The following KIF15 variants were observed in gnomAD, a reference collection of about 807,000 sequenced individuals.
KIF15 encodes kinesin family member 15, also known as kinesin-like protein KIF15.
In KIF15, 140 loss-of-function variants were observed where a neutral mutation model predicts 190.6. The ratio of observed to expected loss-of-function variants is 0.73; its 90% CI spans 0.64 to 0.84. KIF15 has a LOEUF of 0.84. Ranked by LOEUF, KIF15 falls within the 40% of genes least tolerant of loss-of-function variation. The probability of loss-of-function intolerance (pLI) is 0.00; values close to 1 mark genes in which losing one functional copy is unlikely to be tolerated. For synonymous variants in KIF15, 528 were observed against 551.3 expected (o/e 0.96, Z 0.59); for missense variants, 1,372 against 1,584.4 (o/e 0.87, Z 2.28).
chr3:44,777,967 GA>G (rs1705975490), intron 3 of KIF15, 147 bp from the exon 4 acceptor site: 1 of 652,712 alleles, frequency 1.5e-6, no homozygotes, highest in Non-Finnish European at 2.8e-6. Context: ...GTGTAAAGTT[GA>G]ATCATCTTAG....
intron 24 of KIF15, among the ~76,000 whole-genome samples, chr3:44,829,289 G>A (rs1354723914): frequency 6.7e-5 from 10 of 150,196 alleles, no homozygotes; most frequent in East Asian, 5.8e-4. Flanking sequence ...CCCGGGAGGC[G>A]GAGCTTGCAG....
chr3:44,867,448 C>T (rs1163048442), intron 6 of KIF15, among the ~76,000 whole-genome samples: 1 of 152,226 alleles, frequency 6.6e-6, no homozygotes, highest in Non-Finnish European at 1.5e-5. Flanking sequence ...AGACACCCAG[C>T]CAAGGCCAGA....
intron 1 of KIF15, among the ~76,000 whole-genome samples, chr3:44,766,966 A>G (rs1705413605): frequency 6.6e-6 from 1 of 151,768 alleles, no homozygotes. Flanking sequence ...GCCTGCCACC[A>G]TGCCTGGCTA....
At chr3:44,847,448 T>A (rs1422763505) in intron 30 of KIF15, among the ~76,000 whole-genome samples, 1 of 152,182 alleles carries the variant, frequency 6.6e-6, no homozygotes, top group Non-Finnish European at 1.5e-5. Flanking sequence ...AAGACATATC[T>A]GGTGCTTGGG....
chr3:44,845,821 C>T (rs1698823164), intron 30 of KIF15, among the ~76,000 whole-genome samples: 1 of 152,220 alleles, frequency 6.6e-6, no homozygotes, highest in African/African-American at 2.4e-5. Flanking sequence ...AAGCTGCCAG[C>T]ACCAGGACAG....
intron 6 of KIF15, chr3:44,865,473 A>G (rs1025444526): frequency 3.6e-5 from 14 of 393,978 alleles, no homozygotes; most frequent in Middle Eastern, 6.9e-4. Context: ...TGCTTTGTGT[A>G]TGGTACTTGA....
At chr3:44,778,911 C>T (rs1706025726) in intron 4 of KIF15, among the ~76,000 whole-genome samples, 1 of 132,434 alleles carries the variant, frequency 7.6e-6, no homozygotes, top group African/African-American at 2.9e-5. Flanking sequence ...ACCCAGGAGG[C>T]AGAGGTTGCA....
At chr3:44,775,223 T>G (rs773100794) in intron 2 of KIF15, 31 bp from the exon 3 acceptor site, 2 of 1,576,640 alleles carry the variant, frequency 1.3e-6, no homozygotes, top group Non-Finnish European at 1.7e-6. Context: ...TTCAATAAAC[T>G]GAACTGTTAC....
chr3:44,815,054 C>G lies in KIF15; in HGVS notation c.2527C>G (p.Gln843Glu). Residue 843 changes from glutamine (Q) to glutamate (E), a missense_variant, in exon 20 of 35, where the codon CAG (glutamine) becomes GAG (glutamate). Physicochemically the swap from Gln to Glu is conservative, Grantham distance 29. Transcript: ENST00000326047. Reference sequence around the variant, plus strand: ...ACTTTCCGAAAGACACATGCATGTACAGCTTCAATTAGATAATCTCAGGTA... The same window carrying G: ...ACTTTCCGAAAGACACATGCATGTAGAGCTTCAATTAGATAATCTCAGGTA... ...NKLSERHMHV[Q>E]LQLDNLRLEN... The G allele has an allele frequency of 6.2e-7, 1 of 1,602,238 alleles. No homozygotes were observed. The highest frequency in any genetic ancestry group is 8.5e-7 in the Non-Finnish European group (1 of 1,175,644).
chr3:44,803,254 A>G (rs1397019444), intron 14 of KIF15, among the ~76,000 whole-genome samples: 1 of 152,250 alleles, frequency 6.6e-6, no homozygotes, highest in East Asian at 1.9e-4. Context: ...AGATTGATTC[A>G]GATACTATGT....
At chr3:44,835,499 C>T (rs1698266872) in intron 26 of KIF15, among the ~76,000 whole-genome samples, 1 of 152,142 alleles carries the variant, frequency 6.6e-6, no homozygotes, top group African/African-American at 2.4e-5. Context: ...CTGCCTCAGC[C>T]TCCCAAATTG....
At chr3:44,831,131 T>C in intron 26 of KIF15, 113 bp downstream of exon 26, 2 of 1,230,794 alleles carry the variant, frequency 1.6e-6, no homozygotes, top group South Asian at 1.5e-5. Flanking sequence ...AAATAATTCT[T>C]ATACAGCTGA....
chr3:44,843,930 A>G (rs558387557), intron 30 of KIF15, among the ~76,000 whole-genome samples: 5 of 152,350 alleles, frequency 3.3e-5, no homozygotes, highest in African/African-American at 1.2e-4. Context: ...TGCCAGTTAC[A>G]GTGTTTGGTA....
intron 30 of KIF15, 145 bp downstream of exon 30, chr3:44,843,379 A>T (rs937639710): frequency 1.5e-5 from 9 of 600,976 alleles, no homozygotes; most frequent in African/African-American, 1.5e-4. Context: ...TTGATTTTGA[A>T]TCAAGTCTGA....
intron 6 of KIF15, chr3:44,862,045 T>G: frequency 1.5e-6 from 2 of 1,360,322 alleles, no homozygotes; most frequent in Non-Finnish European, 1.9e-6. Context: ...TTGGGGCGTA[T>G]TCAACTGTCT....
downstream of KIF15, among the ~76,000 whole-genome samples, chr3:44,857,361 C>A (rs530645369): frequency 6.6e-6 from 1 of 152,188 alleles, no homozygotes; most frequent in Non-Finnish European, 1.5e-5. Flanking sequence ...TTTAGGGCCT[C>A]TAAAAGTATT....
At chr3:44,776,035 G>A (rs990198563) in intron 3 of KIF15, among the ~76,000 whole-genome samples, 4 of 149,260 alleles carry the variant, frequency 2.7e-5, no homozygotes, top group South Asian at 4.2e-4. Context: ...AGCGGAGATC[G>A]CACCACTGCA....
chr3:44,864,960 A>T, intron 6 of KIF15: 1 of 1,577,118 alleles, frequency 6.3e-7, no homozygotes. Flanking sequence ...TGGCACCCTT[A>T]GAAGGAAGTC....
chr3:44,811,066 A>T, intron 17 of KIF15, 23 bp downstream of exon 17: 1 of 1,527,718 alleles, frequency 6.5e-7, no homozygotes, highest in South Asian at 1.2e-5. Context: ...TCTAGAAAAA[A>T]TAAATAACTG....
Sources: gnomAD v4.1 joint callset for allele counts (sites outside exome capture counted in the v4.1 genomes callset) on GRCh38, gnomAD v4.1.1 for gene constraint, MANE v1.5 for transcripts, NCBI Gene and HGNC (gene_info 2026-07-23, HGNC 2026-07-21) for gene names.